Variants in AFF4 observed in about 807,000 individuals in gnomAD.
The protein encoded by AFF4 is ALF transcription elongation factor 4.
AFF4 carries 13 observed loss-of-function variants against 124.8 expected under a neutral mutation model. The ratio of observed to expected loss-of-function variants is 0.10; its 90% CI spans 0.07 to 0.17. The LOEUF is 0.17. AFF4 is among the 10% of genes least tolerant of loss of function. AFF4 has a pLI of 1.00. For missense variants in AFF4, 1,092 were observed against 1,403.8 expected (o/e 0.78, Z 3.55); for synonymous variants, 477 against 496.1 (o/e 0.96, Z 0.51).
intron 13 of AFF4, 39 bp downstream of exon 13, chr5:132,892,125 T>C (rs1426110496): frequency 6.2e-7 from 1 of 1,614,054 alleles, no homozygotes; most frequent in Non-Finnish European, 8.5e-7. Context: ...CATGGCAAGT[T>C]GAATGATTTT....
intron 4 of AFF4, 70 bp downstream of exon 4, chr5:132,932,108 A>G: frequency 4.5e-6 from 5 of 1,121,120 alleles, no homozygotes; most frequent in Non-Finnish European, 6.4e-6. Context: ...ATACAGGTAG[A>G]AAGAGGGTAA....
intron 15 of AFF4, 23 bp from the exon 16 acceptor site, chr5:132,888,005 A>C (rs1368162952): frequency 1.2e-6 from 2 of 1,612,374 alleles, no homozygotes; most frequent in Admixed American, 1.7e-5. Context: ...GAATGCAAGT[A>C]ATGAGTAATG....
chr5:132,908,456 T>C (rs894254589), intron 5 of AFF4, among the ~76,000 whole-genome samples: 1 of 152,016 alleles, frequency 6.6e-6, no homozygotes, highest in African/African-American at 2.4e-5. Flanking sequence ...TTCAGTCCTA[T>C]ACATTAATTA....
rs1021127310 is a variant in AFF4, at chr5:132,913,273, T to C, written c.1051-8869A>G. Among the ~76,000 whole-genome samples the C allele has an allele frequency of 2.6e-5, 4 of 152,054 alleles. No individual in the cohort carries two copies. The East Asian group carries it at 5.8e-4, about 22-fold the overall frequency. ...ATGTTTATGCACCTAAAAACAGAGT[T>C]TGAGAAAGCATGAAGAAACAAAGCA... On this transcript the variant is annotated intron_variant, in intron 5 of 20. Coordinates refer to ENST00000265343, the MANE Select transcript of AFF4 (RefSeq NM_014423.4).
intron 1 of AFF4, among the ~76,000 whole-genome samples, chr5:132,941,200 T>A (rs1053186857): frequency 3.9e-5 from 6 of 152,138 alleles, no homozygotes; most frequent in Non-Finnish European, 8.8e-5. Context: ...AAAGCAATAA[T>A]TCCAGTAATT....
intron 3 of AFF4, among the ~76,000 whole-genome samples, chr5:132,933,713 A>G (rs1448432436): frequency 2.0e-5 from 3 of 152,152 alleles, no homozygotes; most frequent in East Asian, 1.9e-4. Flanking sequence ...CAATATTACT[A>G]TTTCCACAGA....
rs1047389894 is a variant in AFF4 at position 132,896,594 on chromosome 5, G to A, written c.2036C>T (p.Ser679Phe). ...PESNRTPVKP[S>F]SVEEEDSFFR... Reference sequence around the variant, plus strand: ...AAAGCTATCTTCTTCCTCCACTGAGGAGGGTTTAACAGGAGTCCTATTGCT... The same window carrying A: ...AAAGCTATCTTCTTCCTCCACTGAGAAGGGTTTAACAGGAGTCCTATTGCT... Residue 679 changes from serine to phenylalanine, a missense_variant, in exon 11 of 21, where the codon TCC (serine) becomes TTC (phenylalanine). By Grantham distance (155) the Ser-to-Phe change is radical. Transcript: ENST00000265343. 6.2e-7 allele frequency: 1 copy of A among 1,613,990 alleles called. No individual in the cohort carries two copies. The highest frequency in any genetic ancestry group is 1.3e-5 in the African/African-American group (1 of 74,918).
chr5:132,912,526 A>C (rs763087932), intron 5 of AFF4, among the ~76,000 whole-genome samples: 2 of 151,934 alleles, frequency 1.3e-5, no homozygotes, highest in African/African-American at 2.4e-5. Context: ...ACACTCAGGT[A>C]ATTTTTTTAT....
At chr5:132,941,965 C>T (rs1289636878) in intron 1 of AFF4, among the ~76,000 whole-genome samples, 1 of 151,354 alleles carries the variant, frequency 6.6e-6, no homozygotes, top group Non-Finnish European at 1.5e-5. Flanking sequence ...CGAGATCGCA[C>T]CAGTGCACTC....
intron 2 of AFF4, among the ~76,000 whole-genome samples, chr5:132,935,425 A>C (rs62385344): frequency 0.11 from 17,097 of 152,264 alleles, 1,273 homozygotes; most frequent in Non-Finnish European, 0.16. Context: ...CAGGAGTTCC[A>C]GACCAGCCTG....
rs1056546570 is a variant in AFF4 at position 132,926,515 on chromosome 5, T to G, written c.1050+606A>C. Among the ~76,000 whole-genome samples the G allele has an allele frequency of 2.6e-5, 4 of 151,374 alleles. No homozygotes were observed. In the South Asian group the frequency reaches 8.3e-4, roughly 32 times the overall value. On this transcript the variant is annotated intron_variant, in intron 5 of 20. Transcript: ENST00000265343. ...CCACCTCTGGCCTACAATACCATAA[T>G]AGTCTGCAATAAATACCACTGTCTT...
rs560815407 is a variant in AFF4, at chr5:132,963,386, G to A, written c.-132C>T. ...GCGGTGACAGGCTGCCAAGGGCGAG[G>A]GGCTCCGGGAGGCGGCGGGGGTTCC... On this transcript the variant is annotated 5_prime_UTR_variant, in exon 1 of 21. Coordinates refer to ENST00000265343, the MANE Select transcript of AFF4 (RefSeq NM_014423.4). The A allele has an allele frequency of 5.1e-3, 2,036 of 397,948 alleles. 11 individuals carry two copies. Among genetic ancestry groups the A allele is most frequent in the Middle Eastern group, 0.023 (37 of 1,592 alleles). The allele number at this position is 397,948 out of a possible 1,614,324, so 24.7% of individuals were successfully genotyped here. A position where few individuals can be genotyped will look rare whatever the true frequency, so the allele number is the denominator to read the frequency against.
At chr5:132,917,871 C>T (rs1286905558) in intron 5 of AFF4, among the ~76,000 whole-genome samples, 1 of 147,176 alleles carries the variant, frequency 6.8e-6, no homozygotes, top group Non-Finnish European at 1.5e-5. Flanking sequence ...TGCCACCGCA[C>T]ACAGCTAATT....
rs572958241 is a variant in AFF4, at chr5:132,898,073, C to G, written c.1389+157G>C. Among the ~76,000 whole-genome samples, 9 of 152,346 alleles carry G rather than the reference C, an allele frequency of 5.9e-5. No homozygotes were observed. The South Asian group carries it at 1.0e-3, about 18-fold the overall frequency. On this transcript the variant is annotated intron_variant, in intron 10 of 20. Coordinates refer to ENST00000265343, the MANE Select transcript of AFF4 (RefSeq NM_014423.4). Reference sequence around the variant, plus strand: ...CCGAATTTGTTCAAACAACAAGGAACCATCTAGATTTCCTCCAACGTACAC... The same window carrying G: ...CCGAATTTGTTCAAACAACAAGGAAGCATCTAGATTTCCTCCAACGTACAC...
At chr5:132,923,342 C>A (rs760626808) in intron 5 of AFF4, among the ~76,000 whole-genome samples, 5 of 148,974 alleles carry the variant, frequency 3.4e-5, no homozygotes, top group Non-Finnish European at 5.9e-5. Flanking sequence ...CAAAGTGAGA[C>A]CCTGTCGCAA....
intron 4 of AFF4, among the ~76,000 whole-genome samples, chr5:132,927,990 G>C (rs1035493203): frequency 6.6e-6 from 1 of 152,154 alleles, no homozygotes; most frequent in Non-Finnish European, 1.5e-5. Flanking sequence ...AATAAGGAGA[G>C]AGTATATTAT....
intron 1 of AFF4, chr5:132,943,999 T>C (rs998138962): frequency 1.9e-5 from 3 of 153,906 alleles, no homozygotes; most frequent in African/African-American, 7.2e-5. Context: ...AGCTTCTGAC[T>C]ATCCTTCTTT....
intron 1 of AFF4, among the ~76,000 whole-genome samples, chr5:132,957,980 A>T (rs1206374688): frequency 6.6e-6 from 1 of 152,166 alleles, no homozygotes; most frequent in Non-Finnish European, 1.5e-5. Context: ...ATATTTACAG[A>T]CCTTATTTGG....
At chr5:132,903,804 CTCTTGAGTTT>C (rs1205705226) in intron 6 of AFF4, 2 of 152,212 alleles carry the variant, frequency 1.3e-5, no homozygotes, top group Non-Finnish European at 2.9e-5. Flanking sequence ...AGAAGAATAA[CTCTTGAGTTT>C]ACGAGGTGCC....
Sources: allele counts gnomAD v4.1 joint callset (sites outside exome capture counted in the v4.1 genomes callset), GRCh38; gene constraint gnomAD v4.1.1; transcripts MANE v1.5; gene names NCBI Gene and HGNC (gene_info 2026-07-23, HGNC 2026-07-21).